Variants in EBF1 observed in about 807,000 individuals in gnomAD.
EBF1 encodes the protein transcription factor COE1.
Under a neutral mutation model 68.4 loss-of-function variants are expected in EBF1, and 10 were observed. The ratio of observed to expected loss-of-function variants is 0.15; its 90% CI spans 0.09 to 0.25. The LOEUF is 0.25. Among genes scored for constraint, EBF1 ranks in the 10% least tolerant of loss-of-function variants. EBF1 has a pLI of 1.00. For missense variants in EBF1, 509 were observed against 794.4 expected (o/e 0.64, Z 4.32); for synonymous variants, 298 against 299.8 (o/e 0.99, Z 0.06).
At chr5:158,799,946 G>A (rs1011525281) in intron 8 of EBF1, among the ~76,000 whole-genome samples, 15 of 152,200 alleles carry the variant, frequency 9.9e-5, no homozygotes, top group South Asian at 8.3e-4. Context: ...TAACTCACAG[G>A]CTGCTATTTT....
intron 15 of EBF1, among the ~76,000 whole-genome samples, chr5:158,702,838 A>G (rs913188675): frequency 3.4e-5 from 5 of 148,964 alleles, no homozygotes; most frequent in Non-Finnish European, 6.0e-5. Context: ...CCGACTGAAT[A>G]TGTGCATGGA....
intron 6 of EBF1, among the ~76,000 whole-genome samples, chr5:158,975,367 G>T (rs1185461427): frequency 6.6e-6 from 1 of 152,142 alleles, no homozygotes; most frequent in African/African-American, 2.4e-5. Flanking sequence ...AGACTTTCTG[G>T]TTCACAGGGA....
At position 158,698,228 on chromosome 5, in the gene EBF1, C is replaced by A. The variant is rs1756048913; in HGVS notation, c.*883G>T. 1 of 221,054 alleles carries A rather than the reference C, an allele frequency of 4.5e-6. No individual in the cohort carries two copies. The highest frequency in any genetic ancestry group is 1.9e-4 in the South Asian group (1 of 5,394). The allele number at this position is 221,054 out of a possible 1,614,324, so 13.7% of individuals were successfully genotyped here. On this transcript the variant is annotated 3_prime_UTR_variant, in exon 16 of 16. Coordinates refer to ENST00000313708, the MANE Select transcript of EBF1 (RefSeq NM_024007.5). ...CAGAGTGTGGAATTCTGTGCCTGGA[C>A]CCTGTTCCATGAAGTCTCAAAGGAG...
chr5:158,790,195 T>C (rs923316369), intron 9 of EBF1, among the ~76,000 whole-genome samples: 1 of 152,216 alleles, frequency 6.6e-6, no homozygotes, highest in African/African-American at 2.4e-5. Flanking sequence ...TAAGTGGTAC[T>C]GGCAATCTTT....
chr5:159,097,280 A>G, intron 1 of EBF1, 150 bp from the exon 2 acceptor site: 1 of 878,482 alleles, frequency 1.1e-6, no homozygotes, highest in Non-Finnish European at 1.7e-6. Context: ...CAGGCGACAT[A>G]GACCCAGCTG....
chr5:158,840,228 C>G, intron 6 of EBF1, 118 bp from the exon 7 acceptor site: 2 of 756,382 alleles, frequency 2.6e-6, no homozygotes, highest in Non-Finnish European at 4.4e-6. Flanking sequence ...CTGAAATATT[C>G]AGCATGGTGT....
At chr5:158,930,723 TG>T (rs1229046544) in intron 6 of EBF1, among the ~76,000 whole-genome samples, 1 of 152,158 alleles carries the variant, frequency 6.6e-6, no homozygotes, top group Non-Finnish European at 1.5e-5. Flanking sequence ...AGGCATCTAA[TG>T]GGGGGCAAGT....
intron 6 of EBF1, among the ~76,000 whole-genome samples, chr5:158,995,478 C>T (rs919952144): frequency 6.6e-6 from 1 of 152,100 alleles, no homozygotes; most frequent in Non-Finnish European, 1.5e-5. Flanking sequence ...TATATAATCT[C>T]CAAGGCTCTT....
At chr5:158,954,701 G>T (rs1207899066) in intron 6 of EBF1, among the ~76,000 whole-genome samples, 2 of 152,192 alleles carry the variant, frequency 1.3e-5, no homozygotes, top group African/African-American at 4.8e-5. Context: ...CCTGACCTCA[G>T]ATGCCAGCCT....
At chr5:158,779,584 G>A (rs535960771) in intron 9 of EBF1, among the ~76,000 whole-genome samples, 96 of 152,180 alleles carry the variant, frequency 6.3e-4, no homozygotes, top group African/African-American at 2.2e-3. Flanking sequence ...ATTTTAACAC[G>A]TACTTGGGAT....
Position 158,908,176 on chromosome 5 carries a change from C to A in EBF1, c.555-68066G>T, listed in dbSNP as rs530825289. 3.3e-5 allele frequency among the ~76,000 whole-genome samples: 5 copies of A among 152,288 alleles called. No individual in the cohort carries two copies. The South Asian group carries it at 1.0e-3, about 32-fold the overall frequency. On this transcript the variant is annotated intron_variant, in intron 6 of 15. Transcript: ENST00000313708. ...TATATCCTCATCTTTACTTAAAATA[C>A]ACAGTACCTGCTGTGCTTGACAATT... is the stretch of plus-strand genomic sequence containing the variant.
At chr5:158,788,046 G>A (rs1159616024) in intron 9 of EBF1, among the ~76,000 whole-genome samples, 1 of 147,556 alleles carries the variant, frequency 6.8e-6, no homozygotes, top group East Asian at 2.1e-4. Flanking sequence ...GAATGAAAGG[G>A]GAAATAGTGT....
chr5:158,760,604 C>T (rs989360436), intron 10 of EBF1, among the ~76,000 whole-genome samples: 2 of 152,102 alleles, frequency 1.3e-5, no homozygotes, highest in South Asian at 4.1e-4. Flanking sequence ...ACTATTCCAA[C>T]TCTGCAGGAC....
intron 6 of EBF1, among the ~76,000 whole-genome samples, chr5:159,046,836 T>C (rs989337790): frequency 1.3e-5 from 2 of 152,126 alleles, no homozygotes; most frequent in African/African-American, 4.8e-5. Context: ...ATTTCTATGG[T>C]GTAAATATCC....
chr5:158,780,602 T>C (rs1776265788), intron 9 of EBF1, among the ~76,000 whole-genome samples: 2 of 152,228 alleles, frequency 1.3e-5, no homozygotes, highest in African/African-American at 4.8e-5. Flanking sequence ...GTATTGTAGA[T>C]ATTAATCTTG....
At chr5:158,878,377 A>G (rs777318444) in intron 6 of EBF1, among the ~76,000 whole-genome samples, 7 of 152,238 alleles carry the variant, frequency 4.6e-5, no homozygotes, top group Non-Finnish European at 1.0e-4. Flanking sequence ...CTCTAAAAGT[A>G]TCTCTTCAAT....
chr5:159,014,973 C>T (rs893136078), intron 6 of EBF1, among the ~76,000 whole-genome samples: 1 of 152,182 alleles, frequency 6.6e-6, no homozygotes, highest in Non-Finnish European at 1.5e-5. Context: ...GTCTAGGCTG[C>T]TTACTTCCAG....
chr5:159,058,997 GGCCACTTCTGCCATGTA>G (rs769315629), intron 6 of EBF1, among the ~76,000 whole-genome samples: 1 of 152,124 alleles, frequency 6.6e-6, no homozygotes, highest in Non-Finnish European at 1.5e-5. Flanking sequence ...CCAGGGACAT[GGCCACTTCTGCCATGTA>G]GCCACCATTT....
intron 6 of EBF1, among the ~76,000 whole-genome samples, chr5:158,944,952 A>G (rs1331365759): frequency 2.0e-5 from 3 of 152,080 alleles, no homozygotes. Flanking sequence ...TTTAAGTTCC[A>G]TGTAGATTCT....
Sources: gnomAD v4.1 joint callset for allele counts (sites outside exome capture counted in the v4.1 genomes callset) on GRCh38, gnomAD v4.1.1 for gene constraint, MANE v1.5 for transcripts, NCBI Gene and HGNC (gene_info 2026-07-23, HGNC 2026-07-21) for gene names.